The following ATP10A variants were observed in gnomAD, a reference collection of about 807,000 sequenced individuals.
ATP10A encodes the protein phospholipid-transporting ATPase VA.
A neutral mutation model predicts 147.8 loss-of-function variants in ATP10A; 111 were observed. The ratio of observed to expected loss-of-function variants is 0.75; its 90% CI spans 0.64 to 0.88. The LOEUF (loss-of-function observed/expected upper bound fraction) is 0.88. Among genes scored for constraint, ATP10A ranks in the 40% least tolerant of loss-of-function variants. The probability of loss-of-function intolerance (pLI) is 0.00; values close to 1 mark genes in which losing one functional copy is unlikely to be tolerated. For synonymous variants in ATP10A, 875 were observed against 841.6 expected (o/e 1.04, Z -0.69); for missense variants, 1,927 against 1,959.0 (o/e 0.98, Z 0.31).
At chr15:25,759,045 C>G (rs1004779679) in intron 2 of ATP10A, among the ~76,000 whole-genome samples, 1 of 152,226 alleles carries the variant, frequency 6.6e-6, no homozygotes, top group Admixed American at 6.5e-5. Context: ...AATGGGGGAC[C>G]GACACAGCAC....
At position 25,716,781 on chromosome 15, in the gene ATP10A, G is replaced by C; in HGVS notation, c.1725C>G (p.Leu575=). 1 of 1,608,062 alleles carries C rather than the reference G, an allele frequency of 6.2e-7. No individual in the cohort carries two copies. Among genetic ancestry groups the C allele is most frequent in the South Asian group, 1.1e-5 (1 of 90,000 alleles). Residue 575 remains leucine, a synonymous_variant, in exon 9 of 21, where the codon CTC becomes CTG. Coordinates refer to ENST00000555815, the MANE Select transcript of ATP10A (RefSeq NM_024490.4). ...TGACGACGACTGTGTTGCAGATGGT[G>C]AGTGCGATGAAGAAATCAAAGACGT... ...LSDVFDFFIA[L]TICNTVVVTS... is the part of the protein sequence containing the mutation.
chr15:25,682,218 G>A (rs900855192), intron 17 of ATP10A, among the ~76,000 whole-genome samples: 4 of 152,020 alleles, frequency 2.6e-5, no homozygotes, highest in African/African-American at 9.7e-5. Context: ...TCTCTTGGTG[G>A]TGGGTCCCTT....
At chr15:25,704,929 C>T (rs1014137285) in intron 12 of ATP10A, among the ~76,000 whole-genome samples, 1 of 152,088 alleles carries the variant, frequency 6.6e-6, no homozygotes, top group African/African-American at 2.4e-5. Flanking sequence ...GTGCTTGGTG[C>T]CACACAGCTT....
chr15:25,859,025 A>G (rs1211918504), intron 1 of ATP10A, among the ~76,000 whole-genome samples: 1 of 152,132 alleles, frequency 6.6e-6, no homozygotes, highest in East Asian at 1.9e-4. Context: ...CTGCTGATTT[A>G]AGGTTTCCCC....
At chr15:25,707,443 T>A (rs952345270) in intron 12 of ATP10A, among the ~76,000 whole-genome samples, 8 of 152,162 alleles carry the variant, frequency 5.3e-5, no homozygotes, top group African/African-American at 1.9e-4. Context: ...AATAAATATT[T>A]TAAGTATTAA....
downstream of ATP10A, among the ~76,000 whole-genome samples, chr15:25,676,859 G>A (rs939960265): frequency 1.3e-5 from 2 of 152,006 alleles, no homozygotes; most frequent in Non-Finnish European, 2.9e-5. Context: ...ATTAGCCAGA[G>A]ATTACAGAAA....
intron 2 of ATP10A, among the ~76,000 whole-genome samples, chr15:25,762,401 C>T (rs899551234): frequency 3.3e-5 from 5 of 151,802 alleles, no homozygotes; most frequent in Non-Finnish European, 5.9e-5. Context: ...CTCAGCCTCC[C>T]GAGTAGGTGG....
intron 10 of ATP10A, among the ~76,000 whole-genome samples, chr15:25,712,445 C>A (rs1177874915): frequency 6.6e-6 from 1 of 152,226 alleles, no homozygotes; most frequent in Admixed American, 6.5e-5. Flanking sequence ...CCACTCCATG[C>A]CTTCCCCTTA....
intron 10 of ATP10A, 72 bp from the exon 11 acceptor site, chr15:25,708,372 T>C: frequency 7.4e-7 from 1 of 1,347,990 alleles, no homozygotes. Flanking sequence ...CACTCCGAGA[T>C]TTACCCCACG....
chr15:25,707,916 C>A, intron 12 of ATP10A, 60 bp downstream of exon 12: 3 of 1,594,288 alleles, frequency 1.9e-6, no homozygotes, highest in Non-Finnish European at 2.6e-6. Context: ...ACTCACCCCT[C>A]CAGGGCCGTC....
In ATP10A at chr15:25,745,129, C is replaced by T. The variant is rs147354297; in HGVS notation, c.655-8988G>A. On this transcript the variant is annotated intron_variant, in intron 2 of 20. Transcript: ENST00000555815. ...TCACGACGTCATGGTCTTGAAAGAC[C>T]AGCCTGGCCAACATGGTGAAATCTC... 4.1e-4 allele frequency among the ~76,000 whole-genome samples: 63 copies of T among 152,170 alleles called. No homozygotes were observed. The East Asian group carries it at 0.01, about 25-fold the overall frequency.
intron 1 of ATP10A, among the ~76,000 whole-genome samples, chr15:25,828,640 A>G (rs1311211514): frequency 1.3e-5 from 2 of 152,286 alleles, no homozygotes; most frequent in Non-Finnish European, 2.9e-5. Context: ...CAGCTAAAGC[A>G]GGGCTTAGAG....
intron 10 of ATP10A, chr15:25,709,457 C>T (rs1031637368): frequency 5.3e-5 from 8 of 152,222 alleles, no homozygotes; most frequent in African/African-American, 1.7e-4. Context: ...TAAAGCTGTC[C>T]CATTGTCCTG....
At chr15:25,718,014 C>T (rs1036727536) in intron 8 of ATP10A, among the ~76,000 whole-genome samples, 168 bp downstream of exon 8, 2 of 152,200 alleles carry the variant, frequency 1.3e-5, no homozygotes, top group Non-Finnish European at 2.9e-5. Flanking sequence ...TTGGAAAAGA[C>T]GACAGTGGAG....
downstream of ATP10A, chr15:25,677,675 G>C (rs1456585447): frequency 6.6e-6 from 1 of 152,310 alleles, no homozygotes; most frequent in Non-Finnish European, 1.5e-5. Flanking sequence ...GGGTTGGGAC[G>C]GCTGTCACCT....
Position 25,752,147 on chromosome 15 carries a change from AT to A in ATP10A, c.655-16007del, listed in dbSNP as rs1179244318. Reference sequence around the variant, plus strand: ...AAATAGAATTACCATATGAACCAACATCTCACTTCTGGGTATTTATGCAAAA... The same window carrying A: ...AAATAGAATTACCATATGAACCAACACTCACTTCTGGGTATTTATGCAAAA... On this transcript the variant is annotated intron_variant, in intron 2 of 20. Transcript: ENST00000555815. Among the ~76,000 whole-genome samples, 5 of 152,304 alleles carry A rather than the reference AT, an allele frequency of 3.3e-5. No individual in the cohort carries two copies. The East Asian group carries it at 9.7e-4, about 29-fold the overall frequency.
At position 25,695,013 on chromosome 15, in the gene ATP10A, G is replaced by A. The variant is rs1900240972; in HGVS notation, c.2894C>T (p.Ala965Val). The A allele has an allele frequency of 6.2e-7, 1 of 1,614,220 alleles. No individual in the cohort carries two copies. The highest frequency in any genetic ancestry group is 1.7e-5 in the Admixed American group (1 of 60,030). Residue 965 changes from alanine (A) to valine (V), a missense_variant, in exon 14 of 21, where the codon GCC (alanine) becomes GTC (valine). By Grantham distance (64) the Ala-to-Val change is moderately conservative. Transcript: ENST00000555815. ...SSLCPPSTST[A>V]SGRRPSLVID... ...CACGAGGCTGGGTCTGCGGCCAGAG[G>A]CAGTGGACGTGGAGGGTGGGCAGAG... is the stretch of plus-strand genomic sequence containing the variant.
chr15:25,779,845 A>AACACACACACAC (rs56111172), intron 2 of ATP10A, among the ~76,000 whole-genome samples: 2,494 of 147,320 alleles, frequency 0.017, 53 homozygotes, highest in East Asian at 0.054. Context: ...AGAAGGTTAA[A>AACACACACACAC]ACACACACAC....
chr15:25,860,844 A>G (rs1158138747), intron 1 of ATP10A, among the ~76,000 whole-genome samples: 1 of 152,252 alleles, frequency 6.6e-6, no homozygotes, highest in Non-Finnish European at 1.5e-5. Context: ...GATTCAAAGC[A>G]CTTTGCCAAC....
Sources: gnomAD v4.1 joint callset for allele counts (sites outside exome capture counted in the v4.1 genomes callset) on GRCh38, gnomAD v4.1.1 for gene constraint, MANE v1.5 for transcripts, NCBI Gene and HGNC (gene_info 2026-07-23, HGNC 2026-07-21) for gene names.